Variants in RAB38 observed in about 807,000 individuals in gnomAD.
RAB38 encodes the protein ras-related protein Rab-38.
Under a neutral mutation model 18.4 loss-of-function variants are expected in RAB38, and 15 were observed. The ratio of observed to expected loss-of-function variants is 0.82; its 90% CI spans 0.55 to 1.26. RAB38 has a LOEUF of 1.26. Among genes scored for constraint, RAB38 ranks in the 50% most tolerant of loss-of-function variants. The pLI, the probability that RAB38 is intolerant of heterozygous loss-of-function variation, is 0.00. For missense variants in RAB38, 294 were observed against 267.4 expected (o/e 1.10, Z -0.69); for synonymous variants, 101 against 104.4 (o/e 0.97, Z 0.20).
the RAB38 span, among the ~76,000 whole-genome samples, chr11:88,022,751 C>T: frequency 6.6e-6 from 1 of 151,934 alleles, no homozygotes; most frequent in Non-Finnish European, 1.5e-5. Context: ...TACAGTATTC[C>T]ATGGTGTATG....
chr11:87,941,533 T>C, the RAB38 span, among the ~76,000 whole-genome samples: 66 of 152,026 alleles, frequency 4.3e-4, no homozygotes, highest in African/African-American at 1.6e-3. Context: ...CTCTTCCTCA[T>C]TGCACCAGAA....
At chr11:87,967,837 C>T in the RAB38 span, among the ~76,000 whole-genome samples, 2 of 152,046 alleles carry the variant, frequency 1.3e-5, no homozygotes, top group Admixed American at 6.6e-5. Flanking sequence ...TGAAGTCTGC[C>T]CAGTCTTTCA....
chr11:87,976,140 G>A, the RAB38 span, among the ~76,000 whole-genome samples: 13 of 144,630 alleles, frequency 9.0e-5, no homozygotes, highest in African/African-American at 3.0e-4. Context: ...GTGTGTGTGT[G>A]TATATATACA....
chr11:88,071,243 G>GACACACACACACACAC, the RAB38 span, among the ~76,000 whole-genome samples: 224 of 148,522 alleles, frequency 1.5e-3, 1 homozygote, highest in African/African-American at 5.2e-3. Context: ...ACTGGGGGAG[G>GACACACACACACACAC]ACACACACAC....
chr11:88,125,559 T>C (rs982302373), intron 2 of RAB38, among the ~76,000 whole-genome samples: 5 of 152,124 alleles, frequency 3.3e-5, no homozygotes, highest in Non-Finnish European at 5.9e-5. Context: ...AAAGGTGCCA[T>C]AGAAAGACTC....
At chr11:88,168,463 T>G (rs908420662) in intron 1 of RAB38, among the ~76,000 whole-genome samples, 1 of 152,152 alleles carries the variant, frequency 6.6e-6, no homozygotes, top group African/African-American at 2.4e-5. Context: ...TTTTAGCATG[T>G]GATACTTTCC....
the RAB38 span, among the ~76,000 whole-genome samples, chr11:88,059,164 G>C: frequency 1.0e-5 from 1 of 100,160 alleles, no homozygotes; most frequent in Non-Finnish European, 2.0e-5. Flanking sequence ...ATAAAGTGTT[G>C]TGGGCATAAA....
chr11:88,055,864 T>C, the RAB38 span, among the ~76,000 whole-genome samples: 21 of 152,156 alleles, frequency 1.4e-4, no homozygotes, highest in Admixed American at 5.2e-4. Context: ...AAGAAAGAAC[T>C]ACTGCAATGA....
the RAB38 span, among the ~76,000 whole-genome samples, chr11:87,906,136 T>C: frequency 6.6e-6 from 1 of 152,002 alleles, no homozygotes; most frequent in Admixed American, 6.6e-5. Context: ...AGTTTTATAG[T>C]TATTTATAAC....
intron 1 of RAB38, among the ~76,000 whole-genome samples, chr11:88,156,779 G>C (rs183958133): frequency 4.1e-4 from 62 of 152,234 alleles, no homozygotes; most frequent in Admixed American, 2.8e-3. Flanking sequence ...TTCAAAACAA[G>C]TAAGTCCTAA....
chr11:87,909,598 A>G, the RAB38 span, among the ~76,000 whole-genome samples: 1 of 152,088 alleles, frequency 6.6e-6, no homozygotes, highest in Non-Finnish European at 1.5e-5. Context: ...AAACATATCT[A>G]TCAAACTCAA....
the RAB38 span, among the ~76,000 whole-genome samples, chr11:87,840,305 A>G: frequency 1.3e-5 from 2 of 152,318 alleles, no homozygotes; most frequent in East Asian, 3.9e-4. Context: ...TGAAATTAAG[A>G]AACATGGGAA....
chr11:87,911,883 A>C, the RAB38 span, among the ~76,000 whole-genome samples: 1 of 151,932 alleles, frequency 6.6e-6, no homozygotes, highest in Admixed American at 6.6e-5. Flanking sequence ...ATTGGAAGAA[A>C]TTCTCTTCTA....
the RAB38 span, among the ~76,000 whole-genome samples, chr11:87,854,119 A>T: frequency 0.071 from 6,182 of 87,224 alleles, 192 homozygotes; most frequent in Admixed American, 0.17. Context: ...AATCAATCAC[A>T]CCTGCAAAGG....
chr11:87,905,103 A>G, the RAB38 span, among the ~76,000 whole-genome samples: 63 of 151,514 alleles, frequency 4.2e-4, no homozygotes, highest in Non-Finnish European at 6.9e-4. Context: ...AGTAGCTTCT[A>G]TTTCCCCGTA....
At chr11:87,948,250 C>T in the RAB38 span, among the ~76,000 whole-genome samples, 7 of 152,208 alleles carry the variant, frequency 4.6e-5, no homozygotes, top group African/African-American at 1.7e-4. Flanking sequence ...GATTTTGTAT[C>T]CTGAGACTTT....
At chr11:87,903,902 A>G in the RAB38 span, among the ~76,000 whole-genome samples, 2 of 151,330 alleles carry the variant, frequency 1.3e-5, no homozygotes, top group African/African-American at 4.8e-5. Context: ...TATTCCTGAT[A>G]TTGGTATTTC....
the RAB38 span, among the ~76,000 whole-genome samples, chr11:87,927,970 C>T: frequency 1.3e-4 from 20 of 151,500 alleles, no homozygotes; most frequent in African/African-American, 4.6e-4. Context: ...TTCAGGTACT[C>T]GGGAGGCTGA....
At chr11:87,921,255 C>A in the RAB38 span, among the ~76,000 whole-genome samples, 2 of 151,896 alleles carry the variant, frequency 1.3e-5, no homozygotes, top group East Asian at 1.9e-4. Context: ...CTTTGAATTT[C>A]GATCATTTCC....
Sources: allele counts gnomAD v4.1 joint callset (sites outside exome capture counted in the v4.1 genomes callset), GRCh38; gene constraint gnomAD v4.1.1; transcripts MANE v1.5; gene names NCBI Gene and HGNC (gene_info 2026-07-23, HGNC 2026-07-21).